The following LOC128092252 variants were observed in gnomAD, a reference collection of about 807,000 sequenced individuals.
the LOC128092252 span, among the ~76,000 whole-genome samples, chr15:50,669,882 T>A: frequency 6.6e-6 from 1 of 152,344 alleles, no homozygotes; most frequent in South Asian, 2.1e-4. Context: ...GTTCCAACAG[T>A]TGCCAGTTCA....
At chr15:50,683,863 G>A in the LOC128092252 span, among the ~76,000 whole-genome samples, 2 of 152,044 alleles carry the variant, frequency 1.3e-5, no homozygotes, top group African/African-American at 4.8e-5. Context: ...TATGAAACTA[G>A]AATCTGATCA....
At chr15:50,671,484 C>T in the LOC128092252 span, among the ~76,000 whole-genome samples, 1 of 152,054 alleles carries the variant, frequency 6.6e-6, no homozygotes, top group African/African-American at 2.4e-5. Flanking sequence ...AACAGTGGTC[C>T]CATAAGATTA....
chr15:50,676,220 C>T, the LOC128092252 span, among the ~76,000 whole-genome samples: 1 of 152,070 alleles, frequency 6.6e-6, no homozygotes, highest in African/African-American at 2.4e-5. Flanking sequence ...ATCCTTCCTG[C>T]CTAGATGCTG....
the LOC128092252 span, among the ~76,000 whole-genome samples, chr15:50,666,330 C>T: frequency 2.6e-5 from 4 of 151,698 alleles, no homozygotes; most frequent in Non-Finnish European, 5.9e-5. Flanking sequence ...GACCCAGCTA[C>T]TTAGGAGGCT....
the LOC128092252 span, chr15:50,663,017 C>T: frequency 1.9e-6 from 3 of 1,613,558 alleles, no homozygotes; most frequent in East Asian, 2.2e-5. Flanking sequence ...CCCTCTTGGT[C>T]AAAGTGCTTT....
chr15:50,682,393 C>T, the LOC128092252 span, among the ~76,000 whole-genome samples: 1 of 151,772 alleles, frequency 6.6e-6, no homozygotes, highest in African/African-American at 2.4e-5. Context: ...GCCTGGCCAA[C>T]ATGGTGAAAC....
the LOC128092252 span, among the ~76,000 whole-genome samples, chr15:50,680,137 C>G: frequency 0.54 from 82,006 of 151,804 alleles, 22,359 homozygotes; most frequent in Admixed American, 0.62. Context: ...GGGAGGCTGA[C>G]AGAGGAGAAT....
At chr15:50,658,612 G>C in the LOC128092252 span, among the ~76,000 whole-genome samples, 44 of 150,558 alleles carry the variant, frequency 2.9e-4, no homozygotes, top group African/African-American at 1.1e-3. Context: ...AGAATACAGA[G>C]AGAGTCTGGT....
chr15:50,655,953 G>A, the LOC128092252 span, among the ~76,000 whole-genome samples: 3 of 150,396 alleles, frequency 2.0e-5, no homozygotes, highest in East Asian at 2.0e-4. Context: ...TCGCACCACT[G>A]TATGCCATCT....
At chr15:50,665,393 T>TA in the LOC128092252 span, among the ~76,000 whole-genome samples, 179 of 135,764 alleles carry the variant, frequency 1.3e-3, 1 homozygote, top group Middle Eastern at 3.7e-3. Flanking sequence ...AAACTCTGTC[T>TA]AAAAAAAAAA....
At chr15:50,655,835 C>A in the LOC128092252 span, among the ~76,000 whole-genome samples, 1 of 151,618 alleles carries the variant, frequency 6.6e-6, no homozygotes, top group Non-Finnish European at 1.5e-5. Context: ...ACTAAAAGTA[C>A]GAAAATTAGC....
At chr15:50,686,132 T>C in the LOC128092252 span, among the ~76,000 whole-genome samples, 1 of 152,200 alleles carries the variant, frequency 6.6e-6, no homozygotes, top group Admixed American at 6.5e-5. Context: ...GGTTCCCTTA[T>C]CTGCCAGCAA....
At chr15:50,665,455 A>G in the LOC128092252 span, among the ~76,000 whole-genome samples, 1 of 152,056 alleles carries the variant, frequency 6.6e-6, no homozygotes, top group African/African-American at 2.4e-5. Flanking sequence ...CAAATTTCAG[A>G]CACTGGGTAT....
chr15:50,686,162 G>A, the LOC128092252 span, among the ~76,000 whole-genome samples: 2 of 152,332 alleles, frequency 1.3e-5, no homozygotes, highest in African/African-American at 4.8e-5. Context: ...GGAGGACCGT[G>A]CTCCCAGGAG....
the LOC128092252 span, among the ~76,000 whole-genome samples, chr15:50,678,249 A>AC: frequency 9.5e-5 from 12 of 125,656 alleles, no homozygotes; most frequent in East Asian, 2.6e-3. Context: ...CAAAAAAAAA[A>AC]AACAAAAACA....
the LOC128092252 span, among the ~76,000 whole-genome samples, chr15:50,681,007 C>T: frequency 1.3e-5 from 2 of 152,086 alleles, no homozygotes; most frequent in Non-Finnish European, 2.9e-5. Context: ...AATCCCAGCA[C>T]TTTGGGAGGC....
At chr15:50,678,515 A>AT in the LOC128092252 span, among the ~76,000 whole-genome samples, 4 of 82,782 alleles carry the variant, frequency 4.8e-5, no homozygotes, top group African/African-American at 1.6e-4. Flanking sequence ...TTAAAAAAAA[A>AT]AAATATATAT....
the LOC128092252 span, among the ~76,000 whole-genome samples, chr15:50,668,455 T>C: frequency 2.0e-5 from 3 of 152,218 alleles, no homozygotes; most frequent in Non-Finnish European, 2.9e-5. Flanking sequence ...ACCCCATTTC[T>C]CAATTTGGAG....
chr15:50,679,824 C>T, the LOC128092252 span, among the ~76,000 whole-genome samples: 3 of 152,004 alleles, frequency 2.0e-5, no homozygotes, highest in African/African-American at 7.3e-5. Context: ...CAAGAGCCAC[C>T]ATGCCCAGTC....
Sources: gnomAD v4.1 joint callset for allele counts (sites outside exome capture counted in the v4.1 genomes callset) on GRCh38, gnomAD v4.1.1 for gene constraint, MANE v1.5 for transcripts.